The following ITGB6 variants were observed in gnomAD, a reference collection of about 807,000 sequenced individuals.
The protein encoded by ITGB6 is integrin beta-6.
ITGB6 carries 80 observed loss-of-function variants against 84.5 expected under a neutral mutation model. The observed-to-expected ratio is 0.95, with a 90% CI of 0.79 to 1.14. ITGB6 has a LOEUF of 1.14. Among genes scored for constraint, ITGB6 ranks in the 50% most tolerant of loss-of-function variants. The pLI, the probability that ITGB6 is intolerant of heterozygous loss-of-function variation, is 0.00. For missense variants in ITGB6, 1,006 were observed against 968.0 expected, an observed-to-expected ratio of 1.04 and a Z score of -0.52; for synonymous variants, 383 against 354.9, an observed-to-expected ratio of 1.08 and a Z score of -0.89.
chr2:160,137,474 G>T lies in ITGB6; in HGVS notation c.1620C>A (p.Asp540Glu), dbSNP rs755084704. ...GNIYGPYCQC[D>E]NFSCVRHKGL... ...CTTTGTGTCTCACGCAGGAGAAATTGTCACACTGGCAATAAGGCCCATAAA... is the reference window on the plus strand; with the variant it reads ...CTTTGTGTCTCACGCAGGAGAAATTTTCACACTGGCAATAAGGCCCATAAA... Residue 540 changes from aspartate to glutamate, a missense_variant, in exon 10 of 15, where the codon GAC (aspartate) becomes GAA (glutamate). Transcript: ENST00000283249. The T allele has an allele frequency of 6.8e-6, 11 of 1,613,216 alleles. No individual in the cohort carries two copies. Among genetic ancestry groups the T allele is most frequent in the Non-Finnish European group, 8.5e-7 (1 of 1,179,352 alleles).
chr2:160,199,912 TA>T, intron 1 of ITGB6, 90 bp downstream of exon 1: 1 of 999,326 alleles, frequency 1.0e-6, no homozygotes, highest in Admixed American at 1.9e-5. Context: ...ACAGATCAAA[TA>T]AAACATGACT....
intron 6 of ITGB6, among the ~76,000 whole-genome samples, chr2:160,170,650 C>T (rs998089082): frequency 1.3e-5 from 2 of 152,148 alleles, no homozygotes; most frequent in Admixed American, 1.3e-4. Context: ...CAGGAACCAC[C>T]TTGTATTATT....
rs1306835482 is a variant in ITGB6 at position 160,188,668 on chromosome 2, G to A, written c.593+6701C>T. Among the ~76,000 whole-genome samples, 3 of 151,558 alleles carry A rather than the reference G, an allele frequency of 2.0e-5. No homozygotes were observed. The East Asian group carries it at 5.8e-4, about 29-fold the overall frequency. ...ACCCAGGCTAGAGTACTGTGGCTCA[G>A]TCTTGGCTCACTGCAACCTCCGCCT... On this transcript the variant is annotated intron_variant, in intron 4 of 14. Coordinates refer to ENST00000283249, the MANE Select transcript of ITGB6 (RefSeq NM_000888.5).
At chr2:160,131,026 T>C (rs1431482487) in intron 10 of ITGB6, among the ~76,000 whole-genome samples, 3 of 152,142 alleles carry the variant, frequency 2.0e-5, no homozygotes, top group African/African-American at 4.8e-5. Context: ...AAGTTGCTAA[T>C]TGATATCCTC....
intron 2 of ITGB6, among the ~76,000 whole-genome samples, chr2:160,196,770 G>A (rs1686359824): frequency 6.6e-6 from 1 of 152,082 alleles, no homozygotes; most frequent in African/African-American, 2.4e-5. Flanking sequence ...CCTTGAAACT[G>A]TTGGGTTCAC....
At chr2:160,149,544 T>G (rs1559156154) in intron 7 of ITGB6, among the ~76,000 whole-genome samples, 1 of 152,166 alleles carries the variant, frequency 6.6e-6, no homozygotes, top group South Asian at 2.1e-4. Flanking sequence ...AGAGTGCCTC[T>G]TCTCCTCCAA....
At chr2:160,148,681 A>T (rs530857786) in intron 7 of ITGB6, among the ~76,000 whole-genome samples, 89 of 152,260 alleles carry the variant, frequency 5.8e-4, no homozygotes, top group Middle Eastern at 3.4e-3. Context: ...GGTCAGGGGG[A>T]TTTCCCTTTC....
chr2:160,171,852 C>A (rs1365106659), intron 6 of ITGB6, among the ~76,000 whole-genome samples: 1 of 152,166 alleles, frequency 6.6e-6, no homozygotes, highest in African/African-American at 2.4e-5. Context: ...AGAAGGCTCT[C>A]TGGGGGCAGT....
chr2:160,133,398 G>T (rs1354398124), intron 10 of ITGB6, among the ~76,000 whole-genome samples: 2 of 152,148 alleles, frequency 1.3e-5, no homozygotes, highest in African/African-American at 4.8e-5. Flanking sequence ...GGAGCACCTA[G>T]ATTCATAAAG....
intron 10 of ITGB6, among the ~76,000 whole-genome samples, chr2:160,133,482 C>G (rs7422400): frequency 0.66 from 99,800 of 151,858 alleles, 33,191 homozygotes; most frequent in Admixed American, 0.74. Context: ...ACCCCACTGT[C>G]AACATTAGAC....
chr2:160,137,606 C>T lies in ITGB6; in HGVS notation c.1488G>A (p.Met496Ile). ...CCTCCTTGCAGGAATCTGTGCTCAG[C>T]ATGTCCTCGCCACACTCACAGCGAG... ...MGPRCECGED[M>I]LSTDSCKEAP... The change falls in exon 10 of 15, where the codon ATG becomes ATA. Residue 496 changes from methionine (M) to isoleucine (I), a missense_variant. Transcript: ENST00000283249. The T allele has an allele frequency of 6.2e-7, 1 of 1,614,234 alleles. No homozygotes were observed. The highest frequency in any genetic ancestry group is 1.1e-5 in the South Asian group (1 of 91,084).
rs149496940 is a variant in ITGB6, at chr2:160,161,356, C to T, written c.1017+7856G>A. Among the ~76,000 whole-genome samples, 83 of 152,196 alleles carry T rather than the reference C, an allele frequency of 5.5e-4. No homozygotes were observed. The East Asian group carries it at 0.013, about 23-fold the overall frequency. ...ACTTAATTGTACGATTAAGGCATGA[C>T]GTCGACTCACTGCAACCTCCGCCTC... On this transcript the variant is annotated intron_variant, in intron 7 of 14. Transcript: ENST00000283249.
chr2:160,197,488 G>T (rs1317390294), intron 2 of ITGB6, among the ~76,000 whole-genome samples: 1 of 152,160 alleles, frequency 6.6e-6, no homozygotes, highest in Non-Finnish European at 1.5e-5. Flanking sequence ...GAGTGGGCAT[G>T]ACACTATGCA....
chr2:160,111,408 C>T (rs932183717), intron 13 of ITGB6, among the ~76,000 whole-genome samples: 3 of 151,984 alleles, frequency 2.0e-5, no homozygotes, highest in African/African-American at 7.3e-5. Flanking sequence ...GCAGGATTCT[C>T]CTTATGTTTC....
chr2:160,137,464 A>G lies in ITGB6; in HGVS notation c.1630T>C (p.Cys544Arg). ...GPYCQCDNFS[C>R]VRHKGLLCGG... is the part of the protein sequence containing the mutation. ...CAGAGCAGCCCTTTGTGTCTCACGC[A>G]GGAGAAATTGTCACACTGGCAATAA... Residue 544 changes from cysteine to arginine, a missense_variant, in exon 10 of 15, where the codon TGC becomes CGC. By Grantham distance (180) the Cys-to-Arg change is radical. Coordinates refer to ENST00000283249, the MANE Select transcript of ITGB6 (RefSeq NM_000888.5). 1 of 1,612,582 alleles carries G rather than the reference A, an allele frequency of 6.2e-7. No individual in the cohort carries two copies. The highest frequency in any genetic ancestry group is 8.5e-7 in the Non-Finnish European group (1 of 1,178,732).
chr2:160,132,386 A>T (rs1683504685), intron 10 of ITGB6, among the ~76,000 whole-genome samples: 3 of 152,200 alleles, frequency 2.0e-5, no homozygotes. Flanking sequence ...AGCAGCAAAG[A>T]AATGAAAGGT....
chr2:160,128,081 G>A (rs1220790688), intron 10 of ITGB6, among the ~76,000 whole-genome samples: 2 of 152,140 alleles, frequency 1.3e-5, no homozygotes, highest in Non-Finnish European at 1.5e-5. Flanking sequence ...GCCAAAGATT[G>A]TATTAGGTAT....
In ITGB6 at chr2:160,126,529, G is replaced by T. The variant is rs777059897; in HGVS notation, c.1733C>A (p.Thr578Asn). 1 of 1,614,108 alleles carries T rather than the reference G, an allele frequency of 6.2e-7. No individual in the cohort carries two copies. The highest frequency in any genetic ancestry group is 8.5e-7 in the Non-Finnish European group (1 of 1,180,002). The part of the protein sequence containing the change: ...GWTGEYCNCT[T>N]STDSCVSEDG... ...TTCAGAGACGCAGGAGTCCGTGCTG[G>T]TGGTGCAGTTGCAGTACTCGCCAGT... Residue 578 changes from threonine (T) to asparagine (N), a missense_variant, in exon 11 of 15, where the codon ACC (threonine) becomes AAC (asparagine). By Grantham distance (65) the Thr-to-Asn change is moderately conservative. Coordinates refer to ENST00000283249, the MANE Select transcript of ITGB6 (RefSeq NM_000888.5).
At chr2:160,178,372 C>G (rs913246759) in intron 4 of ITGB6, among the ~76,000 whole-genome samples, 1 of 152,198 alleles carries the variant, frequency 6.6e-6, no homozygotes, top group Non-Finnish European at 1.5e-5. Flanking sequence ...TTATTTGGGG[C>G]TACTGGTTCA....
Sources: allele counts gnomAD v4.1 joint callset (sites outside exome capture counted in the v4.1 genomes callset), GRCh38; gene constraint gnomAD v4.1.1; transcripts MANE v1.5; gene names NCBI Gene and HGNC (gene_info 2026-07-23, HGNC 2026-07-21).